GPC6: variants seen among roughly 807,000 people sequenced by gnomAD.
GPC6 encodes glypican 6.
A neutral mutation model predicts 55.2 loss-of-function variants in GPC6; 14 were observed. The observed-to-expected ratio is 0.25, with a 90% CI of 0.17 to 0.40. The LOEUF (loss-of-function observed/expected upper bound fraction) is 0.40. GPC6 is among the 10% of genes least tolerant of loss of function. The probability of loss-of-function intolerance (pLI) is 1.00; values close to 1 mark genes in which losing one functional copy is unlikely to be tolerated. For synonymous variants in GPC6, 278 were observed against 259.6 expected (o/e 1.07, Z -0.68); for missense variants, 641 against 708.5 (o/e 0.90, Z 1.08).
chr13:93,591,023 T>A (rs1594292856), intron 2 of GPC6, among the ~76,000 whole-genome samples: 1 of 151,592 alleles, frequency 6.6e-6, no homozygotes, highest in South Asian at 2.1e-4. Context: ...AAAAATAAAA[T>A]GGGAATTACT....
intron 3 of GPC6, among the ~76,000 whole-genome samples, chr13:93,958,061 A>G (rs1879589378): frequency 6.6e-6 from 1 of 151,966 alleles, no homozygotes; most frequent in African/African-American, 2.4e-5. Context: ...TAATAGGGTT[A>G]TTTGATTTTT....
chr13:93,972,973 G>A (rs200612501), intron 3 of GPC6, among the ~76,000 whole-genome samples: 2 of 141,460 alleles, frequency 1.4e-5, no homozygotes, highest in African/African-American at 2.6e-5. Context: ...CTCCCTCTCT[G>A]TCTCTCTCTC....
intron 1 of GPC6, among the ~76,000 whole-genome samples, chr13:93,446,068 G>T (rs1877984829): frequency 6.6e-6 from 1 of 152,180 alleles, no homozygotes; most frequent in African/African-American, 2.4e-5. Flanking sequence ...ATGATTGAAA[G>T]AAATCTTCTT....
chr13:94,220,944 G>T lies in GPC6; in HGVS notation c.878-65405G>T, dbSNP rs1890364787. Among the ~76,000 whole-genome samples the T allele has an allele frequency of 3.9e-5, 6 of 152,158 alleles. No individual in the cohort carries two copies. The South Asian group carries it at 1.0e-3, about 26-fold the overall frequency. On this transcript the variant is annotated intron_variant, in intron 4 of 8. Coordinates refer to ENST00000377047, the MANE Select transcript of GPC6 (RefSeq NM_005708.5). ...ATTTCAGCATATGAATTGGGGCAGG[G>T]GGAGGGCATAATTCAAGCCATAACA... is the stretch of plus-strand genomic sequence containing the variant.
At chr13:93,497,208 A>G (rs1295273261) in intron 1 of GPC6, among the ~76,000 whole-genome samples, 4 of 152,224 alleles carry the variant, frequency 2.6e-5, no homozygotes, top group Non-Finnish European at 4.4e-5. Context: ...ACATTGGATC[A>G]GATAGTAGCC....
chr13:94,183,767 C>T (rs1329643549), intron 4 of GPC6, among the ~76,000 whole-genome samples: 1 of 152,174 alleles, frequency 6.6e-6, no homozygotes, highest in South Asian at 2.1e-4. Context: ...GCCATTCTAG[C>T]AGGTCCACAC....
chr13:94,188,875 C>T (rs546860211), intron 4 of GPC6, among the ~76,000 whole-genome samples: 49 of 152,258 alleles, frequency 3.2e-4, no homozygotes, highest in African/African-American at 1.1e-3. Context: ...TCTGGTCAGT[C>T]GTCAAAGGAG....
intron 1 of GPC6, among the ~76,000 whole-genome samples, chr13:93,248,017 T>G (rs1414934264): frequency 6.6e-6 from 1 of 152,218 alleles, no homozygotes; most frequent in Non-Finnish European, 1.5e-5. Context: ...CTGAATCAGT[T>G]ACTCGGCCTG....
intron 8 of GPC6, among the ~76,000 whole-genome samples, chr13:94,400,776 A>G (rs1435582765): frequency 6.6e-6 from 1 of 152,214 alleles, no homozygotes; most frequent in Non-Finnish European, 1.5e-5. Flanking sequence ...GTTTAGGGAC[A>G]TTGGTTGGAA....
chr13:93,421,837 A>G (rs1264491696), intron 1 of GPC6, among the ~76,000 whole-genome samples: 1 of 152,208 alleles, frequency 6.6e-6, no homozygotes, highest in Admixed American at 6.6e-5. Context: ...CCTGTTCCAG[A>G]ACTGTTATTA....
rs1396234374 is a variant in GPC6, at chr13:94,403,625, A to G, written c.*408A>G. 3.9e-5 allele frequency: 9 copies of G among 229,726 alleles called. No homozygotes were observed. Among genetic ancestry groups the G allele is most frequent in the East Asian group, 3.1e-4 (3 of 9,612 alleles). 14.2% of individuals were successfully genotyped at this position (229,726 alleles called of 1,614,324 possible). A position where few individuals can be genotyped will look rare whatever the true frequency, so the allele number is the denominator to read the frequency against. The stretch of plus-strand genomic sequence containing the variant: ...TCGGGCCAAACCCCAAGACAGCTAC[A>G]TTTTCAACAAAAAAGCAAACAGAGA... On this transcript the variant is annotated 3_prime_UTR_variant, in exon 9 of 9. Transcript: ENST00000377047.
At chr13:94,326,880 A>G (rs1230275601) in intron 6 of GPC6, among the ~76,000 whole-genome samples, 1 of 152,222 alleles carries the variant, frequency 6.6e-6, no homozygotes, top group Non-Finnish European at 1.5e-5. Flanking sequence ...AAGGAAAATT[A>G]AGTCAGAGTA....
rs868813880 is a variant in GPC6, at chr13:94,306,576, C to G, written c.1152+453C>G. On this transcript the variant is annotated intron_variant, in intron 6 of 8. Coordinates refer to ENST00000377047, the MANE Select transcript of GPC6 (RefSeq NM_005708.5). ...AAGACCTTGCCCGGAAACCCCAAATCAATGTTACTATCATTTTTTTTTCTT... is the reference window on the plus strand; with the variant it reads ...AAGACCTTGCCCGGAAACCCCAAATGAATGTTACTATCATTTTTTTTTCTT... 2.0e-5 allele frequency among the ~76,000 whole-genome samples: 3 copies of G among 152,190 alleles called. No homozygotes were observed. In the South Asian group the frequency reaches 6.2e-4, roughly 32 times the overall value.
intron 2 of GPC6, among the ~76,000 whole-genome samples, chr13:93,800,742 TAAAG>T (rs1476014362): frequency 6.6e-6 from 1 of 152,178 alleles, no homozygotes; most frequent in Non-Finnish European, 1.5e-5. Context: ...TTTGTTAAAA[TAAAG>T]AAAATTGAAT....
At chr13:93,846,321 A>G (rs192116155) in intron 3 of GPC6, among the ~76,000 whole-genome samples, 94 of 152,320 alleles carry the variant, frequency 6.2e-4, no homozygotes, top group African/African-American at 2.2e-3. Flanking sequence ...CATTAAACCT[A>G]TGAGATAGGT....
intron 1 of GPC6, among the ~76,000 whole-genome samples, chr13:93,387,212 G>T (rs1466540312): frequency 6.6e-6 from 1 of 151,284 alleles, no homozygotes; most frequent in Non-Finnish European, 1.5e-5. Context: ...GACTGTGCAG[G>T]TTTGTTACAT....
Position 93,296,380 on chromosome 13 carries a change from C to T in GPC6, c.160+68764C>T, listed in dbSNP as rs558275580. 6.6e-5 allele frequency among the ~76,000 whole-genome samples: 10 copies of T among 152,244 alleles called. No individual in the cohort carries two copies. The South Asian group carries it at 1.9e-3, about 28-fold the overall frequency. On this transcript the variant is annotated intron_variant, in intron 1 of 8. Transcript: ENST00000377047. Reference sequence around the variant, plus strand: ...GGCAGTAGGCTCCTAAAGAATCTTTCTACCTTAATTTATCTTCTTTTAATA... The same window carrying T: ...GGCAGTAGGCTCCTAAAGAATCTTTTTACCTTAATTTATCTTCTTTTAATA...
chr13:93,456,939 A>C (rs567649449), intron 1 of GPC6, among the ~76,000 whole-genome samples: 13 of 152,236 alleles, frequency 8.5e-5, no homozygotes, highest in Admixed American at 3.3e-4. Flanking sequence ...GAAATAATTG[A>C]ATCATGGCAG....
At chr13:93,926,165 C>T in intron 3 of GPC6, among the ~76,000 whole-genome samples, 1 of 152,080 alleles carries the variant, frequency 6.6e-6, no homozygotes, top group East Asian at 1.9e-4. Flanking sequence ...TTCTTTTGGT[C>T]ACACAGATGA....
Sources: allele counts gnomAD v4.1 joint callset (sites outside exome capture counted in the v4.1 genomes callset), GRCh38; gene constraint gnomAD v4.1.1; transcripts MANE v1.5; gene names NCBI Gene and HGNC (gene_info 2026-07-23, HGNC 2026-07-21).